The following SETD6 variants were observed in gnomAD, a reference collection of about 807,000 sequenced individuals.
The protein encoded by SETD6 is N-lysine methyltransferase SETD6.
SETD6 carries 67 observed loss-of-function variants against 52.7 expected under a neutral mutation model. The observed-to-expected ratio is 1.27, with a 90% CI of 1.04 to 1.56. The LOEUF (loss-of-function observed/expected upper bound fraction) is 1.56, where lower values mean the gene tolerates loss of function less well. Among genes scored for constraint, SETD6 ranks in the 40% most tolerant of loss-of-function variants. The pLI is 0.00. For synonymous variants in SETD6, 307 were observed against 250.2 expected (o/e 1.23, Z -2.14); for missense variants, 712 against 607.5 (o/e 1.17, Z -1.81).
chr16:58,515,524 C>G lies in SETD6; in HGVS notation c.-14C>G. The G allele has an allele frequency of 6.3e-7, 1 of 1,582,744 alleles. No homozygotes were observed. Among genetic ancestry groups the G allele is most frequent in the Non-Finnish European group, 8.6e-7 (1 of 1,169,378 alleles). The stretch of plus-strand genomic sequence containing the variant: ...CGCGGTGCGCCGGCCCGCGAGGAAA[C>G]GCGCTCTTAGACCATGGCGACCCAG... On this transcript the variant is annotated 5_prime_UTR_variant, in exon 1 of 8. Coordinates refer to ENST00000219315, the MANE Select transcript of SETD6 (RefSeq NM_001160305.4).
In SETD6 at chr16:58,518,721, T is replaced by C; in HGVS notation, c.1117-3T>C. On this transcript the variant is annotated splice_region_variant and splice_polypyrimidine_tract_variant and intron_variant, in intron 7 of 7. Transcript: ENST00000219315. Reference sequence around the variant, plus strand: ...AATTAAAGAGCTCTGTGGTTGCTTCTAGGTACTGTGCATGCCTGCTGAGGA... The same window carrying C: ...AATTAAAGAGCTCTGTGGTTGCTTCCAGGTACTGTGCATGCCTGCTGAGGA... 6.2e-7 allele frequency: 1 copy of C among 1,613,102 alleles called. No individual in the cohort carries two copies. Among genetic ancestry groups the C allele is most frequent in the South Asian group, 1.1e-5 (1 of 90,956 alleles).
chr16:58,520,280 C>T lies in SETD6; in HGVS notation c.*1251C>T, dbSNP rs2039323801. 1 of 152,122 alleles carries T rather than the reference C, an allele frequency of 6.6e-6. No homozygotes were observed. Among genetic ancestry groups the T allele is most frequent in the South Asian group, 2.1e-4 (1 of 4,828 alleles). 9.4% of individuals were successfully genotyped at this position (152,122 alleles called of 1,614,324 possible). On this transcript the variant is annotated 3_prime_UTR_variant, in exon 8 of 8. Coordinates refer to ENST00000219315, the MANE Select transcript of SETD6 (RefSeq NM_001160305.4). ...TGGGCTTTAGGCCTGGTCTGGTTTC[C>T]CTTTATATAAAGAGCTGACCCCCAT...
rs1361217225 is a variant in SETD6, at chr16:58,516,832, A to G, written c.696A>G (p.Glu232=). Residue 232 remains glutamate, a synonymous_variant, in exon 5 of 8, where the codon GAA becomes GAG. Transcript: ENST00000219315. ...GCTTTCAGGAACCACTGGAGGAAGA[A>G]GAGGATGAAAAGGAGCCCAACTCCC... ...AYSFQEPLEE[E]EDEKEPNSPV... 9 of 1,614,106 alleles carry G rather than the reference A, an allele frequency of 5.6e-6. No homozygotes were observed. The East Asian group carries it at 1.1e-4, about 20-fold the overall frequency.
rs1302309772 is a variant in SETD6, at chr16:58,521,389, T to C, written c.*2360T>C. 4 of 1,470,228 alleles carry C rather than the reference T, an allele frequency of 2.7e-6. No individual in the cohort carries two copies. Among genetic ancestry groups the C allele is most frequent in the Non-Finnish European group, 3.7e-6 (4 of 1,086,302 alleles). 91.1% of individuals were successfully genotyped at this position (1,470,228 alleles called of 1,614,324 possible). On this transcript the variant is annotated 3_prime_UTR_variant, in exon 8 of 8. Coordinates refer to ENST00000219315, the MANE Select transcript of SETD6 (RefSeq NM_001160305.4). ...TTCATGATTATTCTTCCATTACTTT[T>C]TTTCTAACTTCTCCCTGACTATTGA... is the stretch of plus-strand genomic sequence containing the variant.
Position 58,523,576 on chromosome 16 carries a change from G to C in SETD6, c.*4547G>C. ...TGGGAAGACAGTTCTAACTGGCTAG[G>C]GTTTGGGTTTCTGACAGAGGCTTTC... On this transcript the variant is annotated 3_prime_UTR_variant, in exon 8 of 8. Transcript: ENST00000219315. 7.0e-7 allele frequency: 1 copy of C among 1,436,466 alleles called. No homozygotes were observed. The highest frequency in any genetic ancestry group is 2.0e-5 in the Admixed American group (1 of 49,764). The allele number at this position is 1,436,466 out of a possible 1,614,324, so 89.0% of individuals were successfully genotyped here.
Position 58,519,027 on chromosome 16 carries a change from T to A in SETD6, c.1420T>A (p.Ter474LysextTer11), listed in dbSNP as rs1205248822. ...ACATCAGTTGTTGGAGCTGACAAGT[T>A]AGCAGTTTCCCTGTTCCCTGAAGGA... ...ILHQLLELTS[*>K] Residue 474 changes from the stop codon to lysine, a stop_lost, in exon 8 of 8, where the codon TAG becomes AAG. Transcript: ENST00000219315. The A allele has an allele frequency of 6.2e-7, 1 of 1,607,012 alleles. No individual in the cohort carries two copies. The highest frequency in any genetic ancestry group is 1.3e-5 in the African/African-American group (1 of 74,708).
chr16:58,515,489 G>C, upstream of SETD6: 2 of 1,560,054 alleles, frequency 1.3e-6, no homozygotes. Flanking sequence ...AGAGACGCCG[G>C]AAGTGACCGC....
chr16:58,517,661 G>A (rs56112969), intron 5 of SETD6: 2 of 237,788 alleles, frequency 8.4e-6, no homozygotes, highest in South Asian at 1.1e-4. Context: ...TTTTTAGTAG[G>A]GATGGGGTTT....
chr16:58,515,839 C>A lies in SETD6; in HGVS notation c.76C>A (p.Leu26Met). The A allele has an allele frequency of 1.9e-6, 3 of 1,540,182 alleles. No homozygotes were observed. Among genetic ancestry groups the A allele is most frequent in the East Asian group, 2.6e-5 (1 of 39,054 alleles). ...GGDLDPVACF[L>M]SWCRRVGLEL... ...CGACCTGGATCCTGTGGCCTGCTTC[C>A]TGAGCTGGTGCCGGCGGGTGGGGCT... Residue 26 changes from leucine (L) to methionine (M), a missense_variant, in exon 2 of 8, where the codon CTG becomes ATG. Transcript: ENST00000219315.
Position 58,523,344 on chromosome 16 carries a change from A to AT in SETD6, c.*4318dup. On this transcript the variant is annotated 3_prime_UTR_variant, in exon 8 of 8. Transcript: ENST00000219315. ...GAAAGGGAGGAGATCCTTTTGAAGC[A>AT]TTTAAAAAATAAGCTGCTCGCTTAC... 1 of 1,561,916 alleles carries AT rather than the reference A, an allele frequency of 6.4e-7. No individual in the cohort carries two copies.
Position 58,521,064 on chromosome 16 carries a change from CTGAT to C in SETD6, c.*2037_*2040del. On this transcript the variant is annotated 3_prime_UTR_variant, in exon 8 of 8. Coordinates refer to ENST00000219315, the MANE Select transcript of SETD6 (RefSeq NM_001160305.4). ...GAAGGATGAAGACAGTTACAAATCT[CTGAT>C]TAAAGAGTAGGCCTAACAATACCTT... The C allele has an allele frequency of 1.2e-6, 2 of 1,614,080 alleles. No homozygotes were observed. Among genetic ancestry groups the C allele is most frequent in the Non-Finnish European group, 1.7e-6 (2 of 1,180,002 alleles).
rs2039269875 is a variant in SETD6, at chr16:58,518,952, T to TG, written c.1347dup (p.Arg450GlufsTer41). 1.9e-6 allele frequency: 3 copies of TG among 1,614,200 alleles called. No homozygotes were observed. The South Asian group carries it at 3.3e-5, about 18-fold the overall frequency. On this transcript the variant is annotated frameshift_variant, in exon 8 of 8. Coordinates refer to ENST00000219315, the MANE Select transcript of SETD6 (RefSeq NM_001160305.4). LOFTEE classifies it high-confidence loss of function. ...TAAGGAAGTCTATGCGAAACTCAGC[T>TG]GGAGGGAACAGCAAGCCTTACAGGT...
rs768879347 is a variant in SETD6 at position 58,516,064 on chromosome 16, C to T, written c.301C>T (p.His101Tyr). 4 of 1,476,020 alleles carry T rather than the reference C, an allele frequency of 2.7e-6. No homozygotes were observed. The highest frequency in any genetic ancestry group is 2.9e-5 in the African/African-American group (2 of 68,496). The allele number at this position is 1,476,020 out of a possible 1,614,324, so 91.4% of individuals were successfully genotyped here. Residue 101 changes from histidine to tyrosine, a missense_variant, in exon 2 of 8, where the codon CAC becomes TAC. Coordinates refer to ENST00000219315, the MANE Select transcript of SETD6 (RefSeq NM_001160305.4). ...GCCGCGGGCCGCGCTCCTGTCGCAGCACACCTGCTCCATCGGCGGCCTGCT... is the reference window on the plus strand; with the variant it reads ...GCCGCGGGCCGCGCTCCTGTCGCAGTACACCTGCTCCATCGGCGGCCTGCT... ...VVPRAALLSQ[H>Y]TCSIGGLLER... is the part of the protein sequence containing the mutation.
chr16:58,517,040 G>T (rs1000521128), intron 5 of SETD6, 112 bp downstream of exon 5: 1 of 1,479,548 alleles, frequency 6.8e-7, no homozygotes, highest in Non-Finnish European at 9.4e-7. Context: ...AGCTCCTCCT[G>T]TATGTCCTTT....
rs6499959 is a variant in SETD6 at position 58,517,877 on chromosome 16, A to C, written c.793-174A>C. 6.8e-6 allele frequency: 5 copies of C among 732,394 alleles called. No individual in the cohort carries two copies. The African/African-American group carries it at 8.9e-5, about 13-fold the overall frequency. 45.4% of individuals were successfully genotyped at this position (732,394 alleles called of 1,614,324 possible). ...AAGCTGGCCTTTTAAAGTTAGCCCAACCCTTTTTTGTTTCACAGTTTAGGG... is the reference window on the plus strand; with the variant it reads ...AAGCTGGCCTTTTAAAGTTAGCCCACCCCTTTTTTGTTTCACAGTTTAGGG... On this transcript the variant is annotated intron_variant, in intron 5 of 7. Transcript: ENST00000219315.
chr16:58,517,469 G>A lies in SETD6; in HGVS notation c.792+541G>A, dbSNP rs575433641. 20 of 171,858 alleles carry A rather than the reference G, an allele frequency of 1.2e-4. No individual in the cohort carries two copies. In the East Asian group the frequency reaches 1.9e-3, roughly 16 times the overall value. The allele number at this position is 171,858 out of a possible 1,614,324, so 10.6% of individuals were successfully genotyped here. The stretch of plus-strand genomic sequence containing the variant: ...ATTTTCCTTTCCCACTTTGATCTGC[G>A]AAAGTTCCATTTTTTCCCCCCCGAG... On this transcript the variant is annotated intron_variant, in intron 5 of 7. Coordinates refer to ENST00000219315, the MANE Select transcript of SETD6 (RefSeq NM_001160305.4).
intron 5 of SETD6, 166 bp downstream of exon 5, chr16:58,517,094 T>C (rs1384594489): frequency 9.9e-7 from 1 of 1,012,456 alleles, no homozygotes; most frequent in Non-Finnish European, 1.5e-6. Context: ...CGAAACATTT[T>C]AAAGTCCTCA....
rs757513240 is a variant in SETD6, at chr16:58,521,057, C to G, written c.*2028C>G. On this transcript the variant is annotated 3_prime_UTR_variant, in exon 8 of 8. Transcript: ENST00000219315. ...ATAACCTGAAGGATGAAGACAGTTACAAATCTCTGATTAAAGAGTAGGCCT... is the reference window on the plus strand; with the variant it reads ...ATAACCTGAAGGATGAAGACAGTTAGAAATCTCTGATTAAAGAGTAGGCCT... 2 of 1,613,996 alleles carry G rather than the reference C, an allele frequency of 1.2e-6. No individual in the cohort carries two copies. Among genetic ancestry groups the G allele is most frequent in the East Asian group, 2.2e-5 (1 of 44,902 alleles).
Position 58,515,984 on chromosome 16 carries a change from G to A in SETD6, c.221G>A (p.Gly74Asp). ...GTCAGCCGGCAGGGCACGGTGGCCG[G>A]CTACGGCATGGTGGCCCGGGAGAGC... is the stretch of plus-strand genomic sequence containing the variant. ...VAVSRQGTVA[G>D]YGMVARESVQ... The change falls in exon 2 of 8, where the codon GGC becomes GAC. Residue 74 changes from glycine (G) to aspartate (D), a missense_variant. Coordinates refer to ENST00000219315, the MANE Select transcript of SETD6 (RefSeq NM_001160305.4). The A allele has an allele frequency of 1.3e-6, 2 of 1,540,222 alleles. No homozygotes were observed. Among genetic ancestry groups the A allele is most frequent in the Non-Finnish European group, 1.7e-6 (2 of 1,153,520 alleles).
Sources: allele counts gnomAD v4.1 joint callset, GRCh38; gene constraint gnomAD v4.1.1; transcripts MANE v1.5; gene names NCBI Gene and HGNC (gene_info 2026-07-23, HGNC 2026-07-21).